BIRC6: variants seen among roughly 807,000 people sequenced by gnomAD.
BIRC6 encodes the protein baculoviral IAP repeat containing 6.
A neutral mutation model predicts 503.3 loss-of-function variants in BIRC6; 98 were observed. The ratio of observed to expected loss-of-function variants is 0.19; its 90% confidence interval spans 0.17 to 0.23. The LOEUF is 0.23. Ranked by LOEUF, BIRC6 falls within the 10% of genes least tolerant of loss-of-function variation. BIRC6 has a pLI of 1.00. For missense variants in BIRC6, 5,360 were observed against 5,806.0 expected (o/e 0.92, Z 2.50); for synonymous variants, 2,240 against 2,078.7 (o/e 1.08, Z -2.11).
At chr2:32,520,372 A>C (rs202122896) in intron 57 of BIRC6, among the ~76,000 whole-genome samples, 2 of 152,224 alleles carry the variant, frequency 1.3e-5, no homozygotes, top group African/African-American at 4.8e-5. Flanking sequence ...GGTTGTTAGC[A>C]TACTGTTATA....
chr2:32,388,647 C>G (rs1199091420), intron 3 of BIRC6, 103 bp from the exon 4 acceptor site: 11 of 793,166 alleles, frequency 1.4e-5, no homozygotes, highest in Admixed American at 3.6e-5. Flanking sequence ...AGAAAACTGA[C>G]TTGAAACTGA....
At chr2:32,380,721 C>G (rs1459266345) in intron 3 of BIRC6, among the ~76,000 whole-genome samples, 2 of 151,938 alleles carry the variant, frequency 1.3e-5, no homozygotes, top group Non-Finnish European at 2.9e-5. Context: ...GAGTGAGACT[C>G]TGTTGCCCAA....
At chr2:32,574,952 T>C in intron 65 of BIRC6, 1 of 582,234 alleles carries the variant, frequency 1.7e-6, no homozygotes, top group African/African-American at 1.9e-5. Flanking sequence ...TTCTACATGT[T>C]GGTCAGGCTG....
rs1422595767 is a variant in BIRC6 at position 32,415,551 on chromosome 2, G to T, written c.2260G>T (p.Val754Phe). 1.9e-6 allele frequency: 3 copies of T among 1,613,990 alleles called. No individual in the cohort carries two copies. In the African/African-American group the frequency reaches 4.0e-5, roughly 22 times the overall value. The stretch of plus-strand genomic sequence containing the variant: ...GTTGGTAGGACTGCGGACATGCCCT[G>T]TTGAATCCTTGAGTGCAATAAATCA... Reference protein sequence around the residue: ...HLLVGLRTCPVESLSAINQVE... With the variant: ...HLLVGLRTCPFESLSAINQVE... The change falls in exon 10 of 74, where the codon GTT becomes TTT. Residue 754 changes from valine to phenylalanine, a missense_variant. Val to Phe is a conservative substitution (Grantham distance 50, BLOSUM62 -1). Transcript: ENST00000421745.
At chr2:32,441,229 G>A (rs2045399545) in intron 16 of BIRC6, 100 bp from the exon 17 acceptor site, 1 of 854,050 alleles carries the variant, frequency 1.2e-6, no homozygotes, top group African/African-American at 1.7e-5. Flanking sequence ...ATATTTTGAT[G>A]GCCACAATTC....
chr2:32,604,841 G>A (rs1022552935), intron 71 of BIRC6, among the ~76,000 whole-genome samples: 2 of 151,274 alleles, frequency 1.3e-5, no homozygotes, highest in Non-Finnish European at 2.9e-5. Flanking sequence ...GGTACTAAGC[G>A]TAGTATGCAA....
At chr2:32,535,386 T>G (rs188976863) in intron 61 of BIRC6, among the ~76,000 whole-genome samples, 284 of 152,246 alleles carry the variant, frequency 1.9e-3, no homozygotes, top group Non-Finnish European at 3.1e-3. Context: ...ATGTGCAATG[T>G]TGGTATGCTG....
intron 58 of BIRC6, 88 bp from the exon 59 acceptor site, chr2:32,525,376 C>T: frequency 4.3e-6 from 6 of 1,384,972 alleles, no homozygotes; most frequent in South Asian, 1.2e-5. Context: ...GCTAGGAATG[C>T]ATGCCTTATT....
At chr2:32,562,962 G>A (rs2059298216) in intron 65 of BIRC6, among the ~76,000 whole-genome samples, 2 of 152,092 alleles carry the variant, frequency 1.3e-5, no homozygotes, top group African/African-American at 4.8e-5. Context: ...TCTTTCGTGA[G>A]TACCACATTG....
rs1472370491 is a variant in BIRC6, at chr2:32,469,497, A to T, written c.6230A>T (p.His2077Leu). 6.2e-7 allele frequency: 1 copy of T among 1,613,912 alleles called. No homozygotes were observed. Reference sequence around the variant, plus strand: ...AGTGGAACCCCAAAGATACGGTTACATACTGGTCTTCTTCTTGTTCAACTG... The same window carrying T: ...AGTGGAACCCCAAAGATACGGTTACTTACTGGTCTTCTTCTTGTTCAACTG... ...CISGTPKIRL[H>L]TGLLLVQLCG... Residue 2077 changes from histidine to leucine, a missense_variant, in exon 30 of 74, where the codon CAT becomes CTT. By Grantham distance (99) the His-to-Leu change is moderately conservative. Transcript: ENST00000421745.
rs903887385 is a variant in BIRC6 at position 32,406,561 on chromosome 2, T to A, written c.1477+4T>A. On this transcript the variant is annotated splice_donor_region_variant and intron_variant, in intron 9 of 73. Transcript: ENST00000421745. ...TCCAGATCAGATTCTGTGACAGGTA[T>A]GTAAAAAGTATTAGATAATGTATTT... The A allele has an allele frequency of 6.3e-7, 1 of 1,599,938 alleles. No individual in the cohort carries two copies. Among genetic ancestry groups the A allele is most frequent in the Non-Finnish European group, 8.6e-7 (1 of 1,168,394 alleles).
At chr2:32,492,353 A>G (rs2051843785) in intron 44 of BIRC6, among the ~76,000 whole-genome samples, 1 of 152,072 alleles carries the variant, frequency 6.6e-6, no homozygotes, top group Admixed American at 6.5e-5. Context: ...TTAATACTCT[A>G]ATACTTAATA....
At chr2:32,585,487 C>A (rs953986716) in intron 66 of BIRC6, among the ~76,000 whole-genome samples, 1 of 151,792 alleles carries the variant, frequency 6.6e-6, no homozygotes. Context: ...TCAAGTGATT[C>A]TTCTGCCTCA....
chr2:32,453,579 G>A (rs963602318), intron 22 of BIRC6, among the ~76,000 whole-genome samples: 2 of 152,158 alleles, frequency 1.3e-5, no homozygotes, highest in Admixed American at 1.3e-4. Context: ...TTCTGTTAAT[G>A]TGAGGAGCTA....
At chr2:32,497,215 G>A (rs1339759217) in intron 45 of BIRC6, among the ~76,000 whole-genome samples, 1 of 152,144 alleles carries the variant, frequency 6.6e-6, no homozygotes, top group Non-Finnish European at 1.5e-5. Flanking sequence ...TCACTATGTT[G>A]CCCAGGCTGG....
rs760336500 is a variant in BIRC6, at chr2:32,395,167, C to T, written c.952-344C>T. 3.9e-5 allele frequency among the ~76,000 whole-genome samples: 6 copies of T among 152,016 alleles called. No homozygotes were observed. The South Asian group carries it at 6.2e-4, about 16-fold the overall frequency. ...GACTCAGTCTCAAAAACAGCAACAA[C>T]GACAACAACAGAAACAAATAGTGTA... On this transcript the variant is annotated intron_variant, in intron 5 of 73. Coordinates refer to ENST00000421745, the MANE Select transcript of BIRC6 (RefSeq NM_016252.4).
chr2:32,465,001 T>G, intron 25 of BIRC6, 64 bp from the exon 26 acceptor site: 1 of 1,317,296 alleles, frequency 7.6e-7, no homozygotes, highest in Non-Finnish European at 1.0e-6. Context: ...TTATGGTTAG[T>G]AGTTTTTATA....
chr2:32,460,992 G>A (rs1461019253), intron 23 of BIRC6, among the ~76,000 whole-genome samples: 2 of 138,974 alleles, frequency 1.4e-5, no homozygotes, highest in African/African-American at 5.3e-5. Context: ...GCTCTGCTCT[G>A]CTCTGCTCTC....
intron 51 of BIRC6, 163 bp from the exon 52 acceptor site, chr2:32,509,575 C>A: frequency 1.3e-6 from 1 of 781,870 alleles, no homozygotes. Flanking sequence ...ATAGGGGAAA[C>A]TTACTGTCTG....
Sources: gnomAD v4.1 joint callset for allele counts (sites outside exome capture counted in the v4.1 genomes callset) on GRCh38, gnomAD v4.1.1 for gene constraint, MANE v1.5 for transcripts, NCBI Gene and HGNC (gene_info 2026-07-23, HGNC 2026-07-21) for gene names.